OPCML: variants seen among roughly 807,000 people sequenced by gnomAD.
OPCML encodes opioid-binding protein/cell adhesion molecule.
Under a neutral mutation model 37.8 loss-of-function variants are expected in OPCML, and 13 were observed. The ratio of observed to expected loss-of-function variants is 0.34; its 90% CI spans 0.22 to 0.55. OPCML has a LOEUF of 0.55. Ranked by LOEUF, OPCML falls within the 20% of genes least tolerant of loss-of-function variation. The pLI, the probability that OPCML is intolerant of heterozygous loss-of-function variation, is 0.91. For missense variants in OPCML, 341 were observed against 435.6 expected (o/e 0.78, Z 1.93); for synonymous variants, 176 against 168.8 (o/e 1.04, Z -0.33).
chr11:133,050,919 G>A (rs1167326278), intron 1 of OPCML, among the ~76,000 whole-genome samples: 1 of 151,992 alleles, frequency 6.6e-6, no homozygotes, highest in African/African-American at 2.4e-5. Context: ...TGACTTCAGA[G>A]CAATTGCTCT....
At chr11:132,725,446 C>T (rs982837869) in intron 2 of OPCML, among the ~76,000 whole-genome samples, 1 of 152,118 alleles carries the variant, frequency 6.6e-6, no homozygotes, top group African/African-American at 2.4e-5. Flanking sequence ...GCCTCTGGGA[C>T]TGTAATGGGA....
chr11:133,009,024 A>T (rs912475580), intron 1 of OPCML: 3 of 985,444 alleles, frequency 3.0e-6, no homozygotes, highest in Middle Eastern at 5.2e-4. Context: ...ATCTGTTTCA[A>T]GTTTTGATTA....
At chr11:133,414,780 C>G (rs948924713) in intron 1 of OPCML, among the ~76,000 whole-genome samples, 1 of 152,130 alleles carries the variant, frequency 6.6e-6, no homozygotes, top group Non-Finnish European at 1.5e-5. Flanking sequence ...CATTTGAAAG[C>G]ACTTCCCTGG....
At chr11:133,351,462 C>T (rs150821308) in intron 1 of OPCML, among the ~76,000 whole-genome samples, 6 of 152,264 alleles carry the variant, frequency 3.9e-5, no homozygotes, top group East Asian at 1.9e-4. Context: ...TGCCTCTCCA[C>T]GCTTCTGTGA....
chr11:133,009,359 T>TTAACTTGTTGTTATATTTG, intron 1 of OPCML: 1 of 363,150 alleles, frequency 2.8e-6, no homozygotes, highest in Non-Finnish European at 3.8e-6. Context: ...TGTTCAAATA[T>TTAACTTGTTGTTATATTTG]AACAACAAGT....
intron 2 of OPCML, among the ~76,000 whole-genome samples, chr11:132,676,789 G>GAAAAAAAAAAAAAAA (rs1196087295): frequency 1.1e-5 from 1 of 93,808 alleles, no homozygotes; most frequent in African/African-American, 3.4e-5. Flanking sequence ...AAACAAACAA[G>GAAAAAAAAAAAAAAA]AAAAAAAAAA....
At chr11:132,440,373 T>G (rs570604127) in intron 4 of OPCML, among the ~76,000 whole-genome samples, 6 of 151,850 alleles carry the variant, frequency 4.0e-5, no homozygotes, top group African/African-American at 1.5e-4. Context: ...ATCCAGTAGG[T>G]CTGGAGTGGA....
chr11:132,517,202 T>C (rs2096281919), intron 4 of OPCML, among the ~76,000 whole-genome samples: 1 of 152,110 alleles, frequency 6.6e-6, no homozygotes, highest in African/African-American at 2.4e-5. Context: ...TGGCTCTAAG[T>C]GATGGAAACC....
intron 1 of OPCML, among the ~76,000 whole-genome samples, chr11:133,264,593 G>A (rs1941597540): frequency 6.6e-6 from 1 of 152,118 alleles, no homozygotes. Context: ...AACCAGGAGT[G>A]AACTAACATG....
chr11:133,356,313 G>A (rs941556126), intron 1 of OPCML, among the ~76,000 whole-genome samples: 5 of 152,302 alleles, frequency 3.3e-5, no homozygotes, highest in East Asian at 1.9e-4. Flanking sequence ...ATTATGTTCC[G>A]CAGTTTATGC....
intron 1 of OPCML, chr11:133,008,108 A>G: frequency 2.0e-6 from 2 of 985,404 alleles, no homozygotes; most frequent in Non-Finnish European, 2.4e-6. Context: ...ACCTTCTACT[A>G]TGGATCTTCA....
At chr11:133,447,067 C>G (rs1946487950) in intron 1 of OPCML, among the ~76,000 whole-genome samples, 1 of 152,098 alleles carries the variant, frequency 6.6e-6, no homozygotes. Context: ...AATTTCTGTG[C>G]CATATATTAA....
At chr11:132,581,967 C>T (rs1367105210) in intron 3 of OPCML, among the ~76,000 whole-genome samples, 1 of 152,056 alleles carries the variant, frequency 6.6e-6, no homozygotes, top group Non-Finnish European at 1.5e-5. Context: ...AAACAGTCAA[C>T]CCAAGAACTG....
rs1374330875 is a variant in OPCML, at chr11:133,205,676, C to T, written c.62-262666G>A. 1.3e-5 allele frequency among the ~76,000 whole-genome samples: 2 copies of T among 152,138 alleles called. No homozygotes were observed. Among genetic ancestry groups the T allele is most frequent in the Non-Finnish European group, 2.9e-5 (2 of 68,042 alleles). On this transcript the variant is annotated intron_variant, in intron 1 of 7. Coordinates refer to ENST00000524381, the MANE Select transcript of OPCML (RefSeq NM_001012393.5). The surrounding 1 kb of genome is among the most constrained non-coding windows in gnomAD (Gnocchi z 4.8). ...ATCTGATGTCAGAAGTGTTGCGTTGCGTGAGACAAGAGAGTAGGAAAAACA... is the reference window on the plus strand; with the variant it reads ...ATCTGATGTCAGAAGTGTTGCGTTGTGTGAGACAAGAGAGTAGGAAAAACA...
At chr11:133,342,584 C>T (rs559986039) in intron 1 of OPCML, among the ~76,000 whole-genome samples, 32 of 152,234 alleles carry the variant, frequency 2.1e-4, no homozygotes, top group African/African-American at 7.7e-4. Context: ...TCCAGAGGGA[C>T]CCGTGCGGAG....
intron 1 of OPCML, among the ~76,000 whole-genome samples, chr11:133,204,868 GTATATATATATATATATATATATATATA>G (rs57658806): frequency 4.3e-5 from 5 of 117,330 alleles, no homozygotes; most frequent in South Asian, 3.2e-4. Context: ...ATATATATGT[GTATATATATATATATATATATATATATA>G]TATATATATA....
At chr11:132,515,129 C>G (rs2137206696) in intron 4 of OPCML, among the ~76,000 whole-genome samples, 1 of 152,266 alleles carries the variant, frequency 6.6e-6, no homozygotes, top group East Asian at 1.9e-4. Flanking sequence ...ACTAGTGGCT[C>G]TGTTTATATC....
At chr11:133,326,929 G>A (rs1407981907) in intron 1 of OPCML, among the ~76,000 whole-genome samples, 2 of 143,738 alleles carry the variant, frequency 1.4e-5, no homozygotes, top group Admixed American at 6.9e-5. Context: ...GCGAGTGTGT[G>A]TGTGGGGCGT....
chr11:132,742,340 A>G (rs1348597264), intron 2 of OPCML, among the ~76,000 whole-genome samples: 1 of 152,226 alleles, frequency 6.6e-6, no homozygotes, highest in Non-Finnish European at 1.5e-5. Context: ...AGATAAATTC[A>G]CGAAGATGGA....
Sources: gnomAD v4.1 joint callset for allele counts (sites outside exome capture counted in the v4.1 genomes callset) on GRCh38, gnomAD v4.1.1 for gene constraint, Gnocchi (gnomAD v3.1) non-coding constraint, MANE v1.5 for transcripts, NCBI Gene and HGNC (gene_info 2026-07-23, HGNC 2026-07-21) for gene names.